The following TRAPPC8 variants were observed in gnomAD, a reference collection of about 807,000 sequenced individuals.
TRAPPC8 encodes general sporulation gene 1 homolog.
In TRAPPC8, 54 loss-of-function variants were observed where a neutral mutation model predicts 174.3. The ratio of observed to expected loss-of-function variants is 0.31; its 90% CI spans 0.25 to 0.39. TRAPPC8 has a LOEUF of 0.39. TRAPPC8 is among the 10% of genes least tolerant of loss of function. The probability of loss-of-function intolerance (pLI) is 1.00; values close to 1 mark genes in which losing one functional copy is unlikely to be tolerated. For synonymous variants in TRAPPC8, 630 were observed against 579.9 expected, an observed-to-expected ratio of 1.09 and a Z score of -1.24; for missense variants, 1,531 against 1,699.1, an observed-to-expected ratio of 0.90 and a Z score of 1.74.
At chr18:31,933,636 C>T (rs73954912) in intron 1 of TRAPPC8, among the ~76,000 whole-genome samples, 7 of 152,204 alleles carry the variant, frequency 4.6e-5, no homozygotes, top group Middle Eastern at 3.4e-3. Flanking sequence ...AAATAAGAGG[C>T]AACTTTGGGA....
chr18:31,848,434 C>T (rs930093944), intron 25 of TRAPPC8, among the ~76,000 whole-genome samples: 27 of 152,226 alleles, frequency 1.8e-4, no homozygotes, highest in Non-Finnish European at 3.2e-4. Context: ...GACACAAATG[C>T]CAAAGATCGT....
chr18:31,854,944 C>A (rs75668988), intron 21 of TRAPPC8, among the ~76,000 whole-genome samples: 2 of 117,476 alleles, frequency 1.7e-5, no homozygotes, highest in African/African-American at 7.1e-5. Context: ...CCAGTCTGGG[C>A]GACAGAGCAA....
chr18:31,941,051 C>G (rs1246522031), intron 1 of TRAPPC8, among the ~76,000 whole-genome samples: 4 of 152,108 alleles, frequency 2.6e-5, no homozygotes, highest in Admixed American at 2.0e-4. Context: ...AAAAGTTACA[C>G]AAAGCAAGTA....
At chr18:31,870,869 T>C in intron 15 of TRAPPC8, 57 bp downstream of exon 15, 2 of 1,366,324 alleles carry the variant, frequency 1.5e-6, no homozygotes, top group Non-Finnish European at 1.9e-6. Flanking sequence ...TAAATTATCT[T>C]CATCATGCTG....
chr18:31,873,151 GGGACTAC>G, intron 14 of TRAPPC8, among the ~76,000 whole-genome samples: 1 of 151,102 alleles, frequency 6.6e-6, no homozygotes, highest in Non-Finnish European at 1.5e-5. Context: ...TTGAGTTGAT[GGGACTAC>G]AAGCATGTGC....
At chr18:31,873,350 T>C (rs2034981020) in intron 14 of TRAPPC8, 80 bp downstream of exon 14, 1 of 1,183,740 alleles carries the variant, frequency 8.4e-7, no homozygotes, top group East Asian at 2.5e-5. Context: ...CAACTATACA[T>C]CGTTTTTTAA....
rs564003891 is a variant in TRAPPC8 at position 31,861,254 on chromosome 18, T to C, written c.2746-3272A>G. ...CTTTGTTTCATCAACCAAACACCATTTTTGTTATGTAGAATAAGAGGCCCT... is the reference window on the plus strand; with the variant it reads ...CTTTGTTTCATCAACCAAACACCATCTTTGTTATGTAGAATAAGAGGCCCT... On this transcript the variant is annotated intron_variant, in intron 19 of 28. Transcript: ENST00000283351. Among the ~76,000 whole-genome samples, 41 of 152,364 alleles carry C rather than the reference T, an allele frequency of 2.7e-4. 1 individual carries two copies. In the South Asian group the frequency reaches 5.4e-3, roughly 20 times the overall value.
intron 12 of TRAPPC8, among the ~76,000 whole-genome samples, chr18:31,878,733 T>C (rs1317190726): frequency 6.6e-6 from 1 of 152,126 alleles, no homozygotes; most frequent in Non-Finnish European, 1.5e-5. Flanking sequence ...AAGAGACCTA[T>C]CTTCTGTGTA....
chr18:31,936,040 G>A (rs1302610170), intron 1 of TRAPPC8, among the ~76,000 whole-genome samples: 1 of 151,396 alleles, frequency 6.6e-6, no homozygotes, highest in African/African-American at 2.4e-5. Flanking sequence ...CCTGGCACAA[G>A]ACCCCATCTC....
At chr18:31,886,960 G>C (rs944641973) in intron 12 of TRAPPC8, among the ~76,000 whole-genome samples, 4 of 150,596 alleles carry the variant, frequency 2.7e-5, no homozygotes, top group African/African-American at 9.7e-5. Flanking sequence ...CAGCCTGGGT[G>C]ACACACACAC....
intron 1 of TRAPPC8, among the ~76,000 whole-genome samples, chr18:31,936,289 T>C (rs920628926): frequency 4.0e-5 from 6 of 151,252 alleles, no homozygotes; most frequent in African/African-American, 1.5e-4. Flanking sequence ...CAAAACCCCA[T>C]CTCTACAAAA....
intron 11 of TRAPPC8, among the ~76,000 whole-genome samples, chr18:31,892,991 T>C (rs2036020775): frequency 6.6e-6 from 1 of 151,080 alleles, no homozygotes; most frequent in Non-Finnish European, 1.5e-5. Context: ...CACTCCAGCC[T>C]TGGTGAACGA....
intron 9 of TRAPPC8, among the ~76,000 whole-genome samples, chr18:31,906,084 C>G (rs2036643152): frequency 6.6e-6 from 1 of 151,156 alleles, no homozygotes; most frequent in South Asian, 2.1e-4. Flanking sequence ...TTTTTAAAAA[C>G]TTGGTTGGCC....
At chr18:31,845,321 A>G (rs984389947) in intron 26 of TRAPPC8, 1 of 152,214 alleles carries the variant, frequency 6.6e-6, no homozygotes, top group African/African-American at 2.4e-5. Context: ...ACTGAATGCA[A>G]AGCATGATCC....
rs371114934 is a variant in TRAPPC8, at chr18:31,921,379, C to T, written c.353-3712G>A. Among the ~76,000 whole-genome samples, 16 of 152,072 alleles carry T rather than the reference C, an allele frequency of 1.1e-4. No individual in the cohort carries two copies. In the South Asian group the frequency reaches 3.3e-3, roughly 32 times the overall value. On this transcript the variant is annotated intron_variant, in intron 2 of 28. Coordinates refer to ENST00000283351, the MANE Select transcript of TRAPPC8 (RefSeq NM_014939.5). The stretch of plus-strand genomic sequence containing the variant: ...CTGTAATCCCAACACTTTGGGAGGC[C>T]GAGGCAGGCGGATTACCTGAGGTGG...
intron 26 of TRAPPC8, among the ~76,000 whole-genome samples, chr18:31,843,347 G>GTAAA (rs1342117934): frequency 1.3e-5 from 2 of 152,034 alleles, no homozygotes; most frequent in Non-Finnish European, 2.9e-5. Context: ...TTCATATGTA[G>GTAAA]TAAATGCATA....
In TRAPPC8 at chr18:31,943,078, G is replaced by T; in HGVS notation, c.-314C>A. On this transcript the variant is annotated 5_prime_UTR_variant, in exon 1 of 29. Coordinates refer to ENST00000283351, the MANE Select transcript of TRAPPC8 (RefSeq NM_014939.5). ...ACGGCAAAACCTTGGTCACTGCCCGGCCGGAACCGCCATGTTGAGGCCGAA... is the reference window on the plus strand; with the variant it reads ...ACGGCAAAACCTTGGTCACTGCCCGTCCGGAACCGCCATGTTGAGGCCGAA... 1 of 435,282 alleles carries T rather than the reference G, an allele frequency of 2.3e-6. No individual in the cohort carries two copies. The highest frequency in any genetic ancestry group is 3.9e-6 in the Non-Finnish European group (1 of 258,460). The allele number at this position is 435,282 out of a possible 1,614,324, so 27.0% of individuals were successfully genotyped here.
intron 12 of TRAPPC8, among the ~76,000 whole-genome samples, chr18:31,888,230 A>G (rs999120517): frequency 6.6e-6 from 1 of 152,234 alleles, no homozygotes; most frequent in Non-Finnish European, 1.5e-5. Context: ...GGCAGTCAGA[A>G]TGGTGATTAT....
At position 31,942,702 on chromosome 18, in the gene TRAPPC8, A is replaced by T. The variant is rs757605073; in HGVS notation, c.63T>A (p.Ala21=). ...GCTCGGCTTCGTCGCTGCACAGCGC[A>T]GCGACACAGGGGACGAAGGAGTCCG... is the stretch of plus-strand genomic sequence containing the variant. The part of the protein sequence containing the change: ...LIPDSFVPCV[A]ALCSDEAERL... The change falls in exon 1 of 29, where the codon GCT becomes GCA. Residue 21 remains alanine, a synonymous_variant. Transcript: ENST00000283351. The T allele has an allele frequency of 6.2e-7, 1 of 1,607,932 alleles. No homozygotes were observed. Among genetic ancestry groups the T allele is most frequent in the Non-Finnish European group, 8.5e-7 (1 of 1,177,460 alleles).
Sources: gnomAD v4.1 joint callset for allele counts (sites outside exome capture counted in the v4.1 genomes callset) on GRCh38, gnomAD v4.1.1 for gene constraint, MANE v1.5 for transcripts, NCBI Gene and HGNC (gene_info 2026-07-23, HGNC 2026-07-21) for gene names.